The following MAST4 variants were observed in gnomAD, a reference collection of about 807,000 sequenced individuals.
MAST4 encodes the protein microtubule-associated serine/threonine-protein kinase 4.
A neutral mutation model predicts 162.7 loss-of-function variants in MAST4; 89 were observed. The ratio of observed to expected loss-of-function variants is 0.55; its 90% CI spans 0.46 to 0.65. The LOEUF is 0.65. MAST4 is among the 30% of genes least tolerant of loss of function. The pLI is 0.00. For missense variants in MAST4, 3,153 were observed against 3,374.0 expected (o/e 0.93, Z 1.62); for synonymous variants, 1,479 against 1,361.1 (o/e 1.09, Z -1.91).
chr5:66,888,883 A>C (rs1261288270), intron 3 of MAST4, among the ~76,000 whole-genome samples: 1 of 152,204 alleles, frequency 6.6e-6, no homozygotes, highest in Admixed American at 6.5e-5. Flanking sequence ...CATCATTGAT[A>C]TTCACTTCTT....
chr5:66,994,254 A>C (rs910257237), intron 4 of MAST4, among the ~76,000 whole-genome samples: 2 of 152,078 alleles, frequency 1.3e-5, no homozygotes, highest in Non-Finnish European at 2.9e-5. Context: ...TACAGAGTGA[A>C]AACTTTTACC....
intron 1 of MAST4, among the ~76,000 whole-genome samples, chr5:66,703,875 C>T (rs1749945834): frequency 6.6e-6 from 1 of 152,302 alleles, no homozygotes; most frequent in Admixed American, 6.5e-5. Flanking sequence ...ACACAAAGAT[C>T]ATAACATTTT....
In MAST4 at chr5:67,166,529, A is replaced by T; in HGVS notation, c.7350A>T (p.Arg2450=). 1.2e-6 allele frequency: 2 copies of T among 1,607,656 alleles called. No individual in the cohort carries two copies. Among genetic ancestry groups the T allele is most frequent in the Non-Finnish European group, 1.7e-6 (2 of 1,177,178 alleles). The stretch of plus-strand genomic sequence containing the variant: ...CAGCCACTGGGCAGAGTTCTTTCCG[A>T]TCCACGGCCCTCCCGGAAAAGTCTC... ...SPSATGQSSF[R]STALPEKSLS... The change falls in exon 29 of 29, where the codon CGA becomes CGT. Residue 2450 remains arginine (R), a synonymous_variant. Coordinates refer to ENST00000403625, the MANE Select transcript of MAST4 (RefSeq NM_001164664.2).
chr5:66,754,152 C>G (rs1359920175), intron 1 of MAST4, among the ~76,000 whole-genome samples: 1 of 149,826 alleles, frequency 6.7e-6, no homozygotes. Flanking sequence ...GGACGTATCT[C>G]AAAATAATAA....
intron 23 of MAST4, among the ~76,000 whole-genome samples, chr5:67,146,131 G>A (rs762395052): frequency 6.6e-6 from 1 of 152,242 alleles, no homozygotes; most frequent in Non-Finnish European, 1.5e-5. Context: ...GGTAATTGGA[G>A]TAGGAAACTC....
At position 67,165,426 on chromosome 5, in the gene MAST4, C is replaced by A. The variant is rs56164986; in HGVS notation, c.6247C>A (p.Pro2083Thr). The A allele has an allele frequency of 2.5e-6, 4 of 1,613,900 alleles. No individual in the cohort carries two copies. Among genetic ancestry groups the A allele is most frequent in the Non-Finnish European group, 3.4e-6 (4 of 1,179,902 alleles). Residue 2083 changes from proline (P) to threonine (T), a missense_variant, in exon 29 of 29, where the codon CCC (proline) becomes ACC (threonine). Around this residue, in one of 7 missense-constraint regions of MAST4, gnomAD observed 1,644 missense variants for 1,495.0 expected, o/e 1.10. Transcript: ENST00000403625. ...GGTGAGGCGTGGCGTGGAACCCAAG[C>A]CCGAAGCGCTTCTTGCCAGGCGGTC... ...GKVRRGVEPKPEALLARRSLQ... is the reference protein window; with the variant it reads ...GKVRRGVEPKTEALLARRSLQ...
At chr5:66,717,706 A>T (rs1335213085) in intron 1 of MAST4, among the ~76,000 whole-genome samples, 1 of 152,240 alleles carries the variant, frequency 6.6e-6, no homozygotes, top group Admixed American at 6.5e-5. Context: ...TCTTTCTAGC[A>T]TTGAAGTCTA....
intron 1 of MAST4, among the ~76,000 whole-genome samples, chr5:66,735,906 A>G (rs1465496130): frequency 2.0e-5 from 3 of 152,228 alleles, no homozygotes; most frequent in Admixed American, 6.5e-5. Context: ...CTTTTTAAGC[A>G]GAAGGAATCT....
intron 2 of MAST4, 63 bp from the exon 3 acceptor site, chr5:66,788,607 C>CCCAGCAAAAAAAA: frequency 1.5e-6 from 2 of 1,373,724 alleles, no homozygotes; most frequent in Non-Finnish European, 1.0e-6. Flanking sequence ...CCCCCACCCC[C>CCCAGCAAAAAAAA]ATTGCAATAA....
intron 3 of MAST4, among the ~76,000 whole-genome samples, chr5:66,818,141 A>G (rs931273164): frequency 2.6e-5 from 4 of 152,232 alleles, no homozygotes; most frequent in African/African-American, 9.6e-5. Context: ...ATCATTGCTC[A>G]TTTAAATTAG....
chr5:66,607,705 G>A (rs976127518), intron 1 of MAST4, among the ~76,000 whole-genome samples: 5 of 152,126 alleles, frequency 3.3e-5, no homozygotes, highest in Non-Finnish European at 5.9e-5. Flanking sequence ...TTCTTGCTAG[G>A]CAAGTTATTA....
In MAST4 at chr5:67,165,782, C is replaced by G. The variant is rs747404626; in HGVS notation, c.6603C>G (p.Gly2201=). 1.2e-6 allele frequency: 2 copies of G among 1,605,636 alleles called. No homozygotes were observed. Among genetic ancestry groups the G allele is most frequent in the Non-Finnish European group, 1.7e-6 (2 of 1,176,536 alleles). Residue 2201 remains glycine, a synonymous_variant, in exon 29 of 29, where the codon GGC becomes GGG. Transcript: ENST00000403625. The part of the protein sequence containing the change: ...SHKPRPGPDP[G]PPKTKHPDRS... ...AGCCCCGGCCTGGCCCTGACCCGGG[C>G]CCTCCAAAGACTAAGCACCCCGACC...
At chr5:66,674,567 G>T (rs905636730) in intron 1 of MAST4, among the ~76,000 whole-genome samples, 1 of 152,226 alleles carries the variant, frequency 6.6e-6, no homozygotes, top group Admixed American at 6.5e-5. Context: ...TAGACGAATA[G>T]CACCTTTCAG....
chr5:67,135,545 C>T (rs1425663479), intron 18 of MAST4, among the ~76,000 whole-genome samples: 2 of 152,300 alleles, frequency 1.3e-5, no homozygotes, highest in African/African-American at 4.8e-5. Flanking sequence ...CCCTTTATCA[C>T]GGCATTCTTT....
At chr5:67,079,546 T>A (rs1199011358) in intron 5 of MAST4, among the ~76,000 whole-genome samples, 2 of 152,168 alleles carry the variant, frequency 1.3e-5, no homozygotes, top group African/African-American at 2.4e-5. Context: ...GACACAAGTG[T>A]TTGAATGAAC....
At chr5:66,728,120 C>T (rs960298629) in intron 1 of MAST4, among the ~76,000 whole-genome samples, 1 of 152,090 alleles carries the variant, frequency 6.6e-6, no homozygotes, top group African/African-American at 2.4e-5. Flanking sequence ...GCACAGGAAA[C>T]ATTTAAAATA....
Position 67,164,738 on chromosome 5 carries a change from C to T in MAST4, c.5559C>T (p.Thr1853=), listed in dbSNP as rs1773663889. 1 of 1,613,896 alleles carries T rather than the reference C, an allele frequency of 6.2e-7. No individual in the cohort carries two copies. The highest frequency in any genetic ancestry group is 8.5e-7 in the Non-Finnish European group (1 of 1,179,898). The change falls in exon 29 of 29, where the codon ACC becomes ACT. Residue 1853 remains threonine (T), a synonymous_variant. Coordinates refer to ENST00000403625, the MANE Select transcript of MAST4 (RefSeq NM_001164664.2). The surrounding 1 kb of genome is among the most constrained non-coding windows in gnomAD (Gnocchi z 5.3). ...LPSSSGKKND[T]TSARELSPSS... Reference sequence around the variant, plus strand: ...GCAGCAGTGGGAAAAAGAACGATACCACCAGTGCAAGAGAGCTTTCTCCTT... The same window carrying T: ...GCAGCAGTGGGAAAAAGAACGATACTACCAGTGCAAGAGAGCTTTCTCCTT...
chr5:67,135,897 A>AC (rs1769576422), intron 18 of MAST4, among the ~76,000 whole-genome samples: 1 of 152,200 alleles, frequency 6.6e-6, no homozygotes, highest in African/African-American at 2.4e-5. Context: ...AAGCACGCAC[A>AC]CCTATCTTCA....
At chr5:67,040,357 A>C (rs1385459922) in intron 4 of MAST4, among the ~76,000 whole-genome samples, 1 of 152,186 alleles carries the variant, frequency 6.6e-6, no homozygotes, top group East Asian at 1.9e-4. Context: ...GGCAGGCATA[A>C]GGAAGGAAGT....
Sources: gnomAD v4.1 joint callset for allele counts (sites outside exome capture counted in the v4.1 genomes callset) on GRCh38, gnomAD v4.1.1 for gene constraint, gnomAD v4.1.1 regional missense constraint, Gnocchi (gnomAD v3.1) non-coding constraint, MANE v1.5 for transcripts, NCBI Gene and HGNC (gene_info 2026-07-23, HGNC 2026-07-21) for gene names.